STEAP3: variants seen among roughly 807,000 people sequenced by gnomAD.
STEAP3 encodes the protein STEAP3 metalloreductase, also known as metalloreductase STEAP3.
In STEAP3, 35 loss-of-function variants were observed where a neutral mutation model predicts 34.9. That is an observed-to-expected ratio of 1.00 (90% confidence interval 0.76 to 1.33). STEAP3 has a LOEUF of 1.33. STEAP3 is among the 40% of genes most tolerant of loss of function. The pLI, the probability that STEAP3 is intolerant of heterozygous loss-of-function variation, is 0.00. For synonymous variants in STEAP3, 281 were observed against 301.6 expected, an observed-to-expected ratio of 0.93 and a Z score of 0.71; for missense variants, 652 against 667.6, an observed-to-expected ratio of 0.98 and a Z score of 0.26.
At chr2:119,250,093 G>A (rs1421726381) in intron 4 of STEAP3, among the ~76,000 whole-genome samples, 1 of 152,186 alleles carries the variant, frequency 6.6e-6, no homozygotes, top group East Asian at 1.9e-4. Flanking sequence ...AGCACAGCTG[G>A]GATTCAGATC....
At chr2:119,238,046 T>A (rs1267593907) in intron 2 of STEAP3, among the ~76,000 whole-genome samples, 1 of 152,262 alleles carries the variant, frequency 6.6e-6, no homozygotes, top group African/African-American at 2.4e-5. Flanking sequence ...ATAGGCCACA[T>A]TTTGTTTAAC....
chr2:119,254,392 G>A (rs1363522535), intron 4 of STEAP3, among the ~76,000 whole-genome samples: 1 of 152,108 alleles, frequency 6.6e-6, no homozygotes, highest in South Asian at 2.1e-4. Context: ...AGGCTGAGTG[G>A]GTCCTGATCC....
chr2:119,263,216 T>C lies in STEAP3; in HGVS notation c.1375T>C (p.Phe459Leu). The change falls in exon 6 of 6, where the codon TTT (phenylalanine) becomes CTT (leucine). Residue 459 changes from phenylalanine to leucine, a missense_variant. Transcript: ENST00000393110. ...CGTCGTCATCCTGGCCAAAGCCCTG[T>C]TTCTCCTGCCCTGCATCAGCCGCAG... ...PCVVILAKAL[F>L]LLPCISRRLA... The C allele has an allele frequency of 6.2e-7, 1 of 1,614,140 alleles. No individual in the cohort carries two copies. The highest frequency in any genetic ancestry group is 8.5e-7 in the Non-Finnish European group (1 of 1,180,026).
intron 5 of STEAP3, among the ~76,000 whole-genome samples, chr2:119,258,361 G>A (rs776184342): frequency 3.3e-5 from 5 of 152,026 alleles, no homozygotes; most frequent in Admixed American, 6.6e-5. Flanking sequence ...ATGTCATCCC[G>A]TGACTAGCAA....
chr2:119,247,119 T>C (rs1325933330), intron 3 of STEAP3, among the ~76,000 whole-genome samples: 1 of 152,048 alleles, frequency 6.6e-6, no homozygotes, highest in Non-Finnish European at 1.5e-5. Flanking sequence ...CAGGGGGACC[T>C]CGTGGGTCAG....
chr2:119,233,815 C>G (rs1190701118), intron 2 of STEAP3, among the ~76,000 whole-genome samples: 1 of 152,206 alleles, frequency 6.6e-6, no homozygotes, highest in Non-Finnish European at 1.5e-5. Flanking sequence ...CTGCCTGGAC[C>G]AGACTTTTGA....
Position 119,247,684 on chromosome 2 carries a change from C to T in STEAP3, c.528C>T (p.Pro176=), listed in dbSNP as rs1296098084. The T allele has an allele frequency of 3.3e-6, 5 of 1,533,636 alleles. No homozygotes were observed. The highest frequency in any genetic ancestry group is 4.4e-6 in the Non-Finnish European group (5 of 1,144,368). Reference sequence around the variant, plus strand: ...GCCCCACTTTTCTCCCGCAGGTGCCCATCTGCGGTGACCAGCCAGAAGCCA... The same window carrying T: ...GCCCCACTTTTCTCCCGCAGGTGCCTATCTGCGGTGACCAGCCAGAAGCCA... ...AGPRDGNRQV[P]ICGDQPEAKR... is the part of the protein sequence containing the mutation. Residue 176 remains proline (P), a synonymous_variant, in exon 4 of 6, where the codon CCC becomes CCT. Transcript: ENST00000393110.
At chr2:119,253,416 T>C (rs889841091) in intron 4 of STEAP3, among the ~76,000 whole-genome samples, 6 of 152,234 alleles carry the variant, frequency 3.9e-5, no homozygotes, top group African/African-American at 1.4e-4. Context: ...ACAACCATTT[T>C]GCTCAGCCCA....
At chr2:119,256,189 C>A (rs1677768577) in intron 5 of STEAP3, among the ~76,000 whole-genome samples, 1 of 152,190 alleles carries the variant, frequency 6.6e-6, no homozygotes, top group Admixed American at 6.5e-5. Context: ...ATTAATTGCT[C>A]CTGACCAGGG....
Position 119,245,898 on chromosome 2 carries a change from C to A in STEAP3, c.432C>A (p.Ala144=), listed in dbSNP as rs1223476397. 6.2e-7 allele frequency: 1 copy of A among 1,614,068 alleles called. No individual in the cohort carries two copies. The highest frequency in any genetic ancestry group is 8.5e-7 in the Non-Finnish European group (1 of 1,180,046). The change falls in exon 3 of 6, where the codon GCC becomes GCA. Residue 144 remains alanine, a synonymous_variant. Coordinates refer to ENST00000393110, the MANE Select transcript of STEAP3 (RefSeq NM_182915.3). ...QHRESNAEYL[A]SLFPTCTVVK... ...GTGAGTCCAATGCTGAGTACCTGGC[C>A]TCCCTCTTCCCCACTTGCACAGTGG...
chr2:119,240,758 G>A (rs1269498689), intron 2 of STEAP3, among the ~76,000 whole-genome samples: 3 of 152,220 alleles, frequency 2.0e-5, no homozygotes, highest in South Asian at 4.1e-4. Flanking sequence ...CTGCAGGCAG[G>A]AGACAGGCCT....
intron 2 of STEAP3, among the ~76,000 whole-genome samples, chr2:119,243,958 C>T (rs957724679): frequency 4.6e-5 from 7 of 152,340 alleles, no homozygotes; most frequent in Non-Finnish European, 8.8e-5. Context: ...ACCCCAGCTG[C>T]TCTGCTGCTT....
intron 1 of STEAP3, among the ~76,000 whole-genome samples, chr2:119,228,118 C>T (rs1054163353): frequency 6.6e-6 from 1 of 152,200 alleles, no homozygotes; most frequent in East Asian, 1.9e-4. Flanking sequence ...GTGTGAGTCA[C>T]CACAGCCGGC....
chr2:119,257,352 G>A, intron 5 of STEAP3: 1 of 1,345,092 alleles, frequency 7.4e-7, no homozygotes, highest in Non-Finnish European at 9.6e-7. Context: ...GAGAAACAGA[G>A]ATAACCCAGG....
chr2:119,226,790 G>C (rs1390308739), intron 1 of STEAP3, among the ~76,000 whole-genome samples: 3 of 152,050 alleles, frequency 2.0e-5, no homozygotes, highest in Non-Finnish European at 4.4e-5. Flanking sequence ...CTGACATTCA[G>C]CCTCCCATGT....
chr2:119,258,002 G>A (rs773165305), intron 5 of STEAP3, among the ~76,000 whole-genome samples: 5 of 152,194 alleles, frequency 3.3e-5, no homozygotes, highest in East Asian at 1.9e-4. Context: ...TCAGAGCAGC[G>A]GCATGGCTGC....
At chr2:119,227,324 A>G (rs1679071175) in intron 1 of STEAP3, among the ~76,000 whole-genome samples, 1 of 152,112 alleles carries the variant, frequency 6.6e-6, no homozygotes, top group South Asian at 2.1e-4. Flanking sequence ...TGTCACTTCA[A>G]CCCAGGGGCA....
intron 4 of STEAP3, 25 bp from the exon 5 acceptor site, chr2:119,254,659 A>G (rs1238027105): frequency 1.2e-6 from 2 of 1,613,512 alleles, no homozygotes; most frequent in Non-Finnish European, 1.7e-6. Flanking sequence ...CACAGTGTTC[A>G]TGGTTTTCCT....
chr2:119,226,166 T>A lies in STEAP3; in HGVS notation c.-394+2278T>A, dbSNP rs938540738. Among the ~76,000 whole-genome samples, 8 of 152,180 alleles carry A rather than the reference T, an allele frequency of 5.3e-5. No homozygotes were observed. The South Asian group carries it at 6.2e-4, about 12-fold the overall frequency. ...TGGCGGTCTACGCTGCCTGCTACAT[T>A]CCCTGTCCAGCTACAAATGAACAAC... On this transcript the variant is annotated intron_variant, in intron 1 of 5. Coordinates refer to ENST00000393110, the MANE Select transcript of STEAP3 (RefSeq NM_182915.3).
Sources: gnomAD v4.1 joint callset for allele counts (sites outside exome capture counted in the v4.1 genomes callset) on GRCh38, gnomAD v4.1.1 for gene constraint, MANE v1.5 for transcripts, NCBI Gene and HGNC (gene_info 2026-07-23, HGNC 2026-07-21) for gene names.